Variants in PSCA observed in about 807,000 individuals in gnomAD.
The protein encoded by PSCA is prostate stem cell antigen.
Under a neutral mutation model 7.9 loss-of-function variants are expected in PSCA, and 7 were observed. The ratio of observed to expected loss-of-function variants is 0.89; its 90% CI spans 0.51 to 1.67. PSCA has a LOEUF of 1.67. Ranked by LOEUF, PSCA falls within the 40% of genes most tolerant of loss-of-function variation. The pLI is 0.00. For synonymous variants in PSCA, 61 were observed against 68.3 expected, an observed-to-expected ratio of 0.89 and a Z score of 0.53; for missense variants, 151 against 147.9, an observed-to-expected ratio of 1.02 and a Z score of -0.11.
chr8:142,681,204 G>C lies in PSCA; in HGVS notation c.26-123G>C, dbSNP rs782802693. On this transcript the variant is annotated intron_variant, in intron 1 of 2. Coordinates refer to ENST00000301258, the MANE Select transcript of PSCA (RefSeq NM_005672.5). ...TGAAGATGGGGAGGAGACATTGAGG[G>C]TGACAAGAGGGCGCCGAGGACTTCC... 5.3e-5 allele frequency: 35 copies of C among 663,570 alleles called. No homozygotes were observed. In the South Asian group the frequency reaches 6.4e-4, roughly 12 times the overall value. 41.1% of individuals were successfully genotyped at this position (663,570 alleles called of 1,614,324 possible).
At chr8:142,680,782 G>A (rs1847453752) in intron 1 of PSCA, 1 of 631,548 alleles carries the variant, frequency 1.6e-6, no homozygotes, top group Non-Finnish European at 2.8e-6. Flanking sequence ...GCTTGCAGGG[G>A]CAGCACGGAG....
chr8:142,671,163 G>C (rs1847318643), intron 1 of PSCA, among the ~76,000 whole-genome samples: 1 of 152,224 alleles, frequency 6.6e-6, no homozygotes, highest in African/African-American at 2.4e-5. Context: ...CACGGGTTCA[G>C]ATAGGAGGGC....
upstream of PSCA, chr8:142,680,217 T>C (rs1587546482): frequency 7.0e-6 from 3 of 426,980 alleles, no homozygotes; most frequent in East Asian, 1.2e-4. Flanking sequence ...GGCCTTGCAC[T>C]GTGAGGTGGG....
intron 1 of PSCA, among the ~76,000 whole-genome samples, chr8:142,672,178 C>G (rs1254335078): frequency 6.6e-6 from 1 of 152,170 alleles, no homozygotes; most frequent in Non-Finnish European, 1.5e-5. Context: ...GCTATTCACT[C>G]AGGCTCAGCC....
At position 142,681,364 on chromosome 8, in the gene PSCA, G is replaced by T; in HGVS notation, c.63G>T (p.Val21=). 1 of 1,583,634 alleles carries T rather than the reference G, an allele frequency of 6.3e-7. No homozygotes were observed. Among genetic ancestry groups the T allele is most frequent in the Non-Finnish European group, 8.6e-7 (1 of 1,165,058 alleles). ...ALLCYSCKAQ[V]SNEDCLQVEN... is the part of the protein sequence containing the mutation. ...TGTGCTACTCCTGCAAAGCCCAGGT[G>T]AGCAACGAGGACTGCCTGCAGGTGG... Residue 21 remains valine, a synonymous_variant, in exon 2 of 3, where the codon GTG becomes GTT. Coordinates refer to ENST00000301258, the MANE Select transcript of PSCA (RefSeq NM_005672.5).
In PSCA at chr8:142,681,425, G is replaced by A. The variant is rs145089191; in HGVS notation, c.124G>A (p.Ala42Thr). The change falls in exon 2 of 3, where the codon GCG becomes ACG. Residue 42 changes from alanine (A) to threonine (T), a missense_variant. Physicochemically the swap from Ala to Thr is moderately conservative, Grantham distance 58. Coordinates refer to ENST00000301258, the MANE Select transcript of PSCA (RefSeq NM_005672.5). ...CCAGCTGGGGGAGCAGTGCTGGACC[G>A]CGCGCATCCGTGAGTGGGGGGACGA... ...CTQLGEQCWT[A>T]RIRAVGLLTV... 727 of 1,588,224 alleles carry A rather than the reference G, an allele frequency of 4.6e-4. No homozygotes were observed. The African/African-American group carries it at 8.1e-3, about 18-fold the overall frequency.
upstream of PSCA, among the ~76,000 whole-genome samples, chr8:142,679,336 G>A (rs1847435347): frequency 6.6e-6 from 1 of 152,236 alleles, no homozygotes; most frequent in African/African-American, 2.4e-5. Context: ...CCTAGCCCAG[G>A]GCTCAGCCCA....
At chr8:142,672,822 A>C (rs1554637503) in intron 1 of PSCA, among the ~76,000 whole-genome samples, 3 of 152,168 alleles carry the variant, frequency 2.0e-5, no homozygotes, top group South Asian at 4.1e-4. Context: ...AGGCTTGAGG[A>C]GGCAGTGTCT....
chr8:142,681,073 A>G lies in PSCA; in HGVS notation c.26-254A>G, dbSNP rs1238485170. ...CCTCCCGACCCAGGGTCCCGGGTTC[A>G]GTCACCCCCACAGCCGCAGCTTCCT... On this transcript the variant is annotated intron_variant, in intron 1 of 2. Coordinates refer to ENST00000301258, the MANE Select transcript of PSCA (RefSeq NM_005672.5). 1.2e-5 allele frequency: 6 copies of G among 507,004 alleles called. 1 individual carries two copies. Among genetic ancestry groups the G allele is most frequent in the Non-Finnish European group, 1.8e-5 (5 of 279,482 alleles). 31.4% of individuals were successfully genotyped at this position (507,004 alleles called of 1,614,324 possible).
rs1448084453 is a variant in PSCA, at chr8:142,673,106, C to T, written n.261+2538C>T. ...TTCCAGCTTGCTTGTCTTATGTTTGCGGCTCGATTTTACAGGCTGCTCTTT... is the reference window on the plus strand; with the variant it reads ...TTCCAGCTTGCTTGTCTTATGTTTGTGGCTCGATTTTACAGGCTGCTCTTT... On this transcript the variant is annotated intron_variant and non_coding_transcript_variant, in intron 1 of 1. Transcript: ENST00000505305. This position sits in a 1 kb window ranked among gnomAD's most constrained non-coding sequence, Gnocchi z 4.6. 1.3e-5 allele frequency among the ~76,000 whole-genome samples: 2 copies of T among 152,168 alleles called. No individual in the cohort carries two copies. Among genetic ancestry groups the T allele is most frequent in the East Asian group, 1.9e-4 (1 of 5,196 alleles).
Position 142,681,926 on chromosome 8 carries a change from G to A in PSCA, c.139G>A (p.Val47Ile), listed in dbSNP as rs57183382. 1.5e-5 allele frequency: 23 copies of A among 1,539,050 alleles called. No homozygotes were observed. The highest frequency in any genetic ancestry group is 2.0e-5 in the Non-Finnish European group (23 of 1,138,114). Reference sequence around the variant, plus strand: ...CGGATCCCGCTGCTCCCCAGGCGCAGTTGGCCTCCTGACCGTCATCAGCAA... The same window carrying A: ...CGGATCCCGCTGCTCCCCAGGCGCAATTGGCCTCCTGACCGTCATCAGCAA... ...EQCWTARIRAVGLLTVISKGC... is the reference protein window; with the variant it reads ...EQCWTARIRAIGLLTVISKGC... Residue 47 changes from valine to isoleucine, a missense_variant, in exon 3 of 3, where the codon GTT (valine) becomes ATT (isoleucine). Transcript: ENST00000301258.
At chr8:142,679,074 G>C (rs1332754789), upstream of PSCA, among the ~76,000 whole-genome samples, 1 of 152,264 alleles carries the variant, frequency 6.6e-6, no homozygotes, top group East Asian at 1.9e-4. Context: ...CCACCTCCCA[G>C]CTGACTGGCA....
At chr8:142,672,903 G>A (rs1042776706) in intron 1 of PSCA, among the ~76,000 whole-genome samples, 3 of 152,086 alleles carry the variant, frequency 2.0e-5, no homozygotes, top group South Asian at 2.1e-4. Flanking sequence ...AAGGCTGGTC[G>A]CCCCACCCTA....
At chr8:142,680,280 G>GGGGTGGCTGAGATATGGCCCT, upstream of PSCA, 1 of 539,054 alleles carries the variant, frequency 1.9e-6, no homozygotes, top group African/African-American at 1.9e-5. Flanking sequence ...CCCTCAGCCC[G>GGGGTGGCTGAGATATGGCCCT]GGGTGGCTGA....
upstream of PSCA, chr8:142,676,710 G>T (rs1847404972): frequency 6.6e-6 from 1 of 152,246 alleles, no homozygotes; most frequent in Non-Finnish European, 1.5e-5. Flanking sequence ...CACCCAGGGG[G>T]TTCATTTTGA....
At position 142,682,693 on chromosome 8, in the gene PSCA, T is replaced by C. The variant is rs1183870217; in HGVS notation, c.*561T>C. On this transcript the variant is annotated 3_prime_UTR_variant, in exon 3 of 3. Coordinates refer to ENST00000301258, the MANE Select transcript of PSCA (RefSeq NM_005672.5). ...CCTGAATGGCAGCCTCAGCACAGCG[T>C]AGGCCCTTAATAAACACCTGTTGGA... The C allele has an allele frequency of 7.6e-5, 25 of 327,026 alleles. 1 individual carries two copies. Among genetic ancestry groups the C allele is most frequent in the Non-Finnish European group, 1.4e-4 (23 of 163,912 alleles). The allele number at this position is 327,026 out of a possible 1,614,324, so 20.3% of individuals were successfully genotyped here. A position where few individuals can be genotyped will look rare whatever the true frequency, so the allele number is the denominator to read the frequency against.
At chr8:142,678,515 C>T (rs1847423746), upstream of PSCA, among the ~76,000 whole-genome samples, 1 of 152,264 alleles carries the variant, frequency 6.6e-6, no homozygotes, top group African/African-American at 2.4e-5. Context: ...AGGAAGCCAC[C>T]AGCCCCTCGG....
chr8:142,682,345 C>T lies in PSCA; in HGVS notation c.*213C>T. ...ACCCGGCAGATCGGCTCTATTGACACAGATCCGCCTGCAGATGGCCCCTCC... is the reference window on the plus strand; with the variant it reads ...ACCCGGCAGATCGGCTCTATTGACATAGATCCGCCTGCAGATGGCCCCTCC... On this transcript the variant is annotated 3_prime_UTR_variant, in exon 3 of 3. Transcript: ENST00000301258. 1.4e-6 allele frequency: 1 copy of T among 711,262 alleles called. No individual in the cohort carries two copies. Among genetic ancestry groups the T allele is most frequent in the South Asian group, 1.5e-5 (1 of 66,890 alleles). 44.1% of individuals were successfully genotyped at this position (711,262 alleles called of 1,614,324 possible).
At chr8:142,680,762 T>A (rs1032193505) in intron 1 of PSCA, 199 bp downstream of exon 1, 1 of 687,860 alleles carries the variant, frequency 1.5e-6, no homozygotes, top group Non-Finnish European at 2.4e-6. Flanking sequence ...TGCCGTCCCC[T>A]GTGACCGGGG....
Sources: allele counts gnomAD v4.1 joint callset (sites outside exome capture counted in the v4.1 genomes callset), GRCh38; gene constraint gnomAD v4.1.1; non-coding constraint Gnocchi (gnomAD v3.1); transcripts MANE v1.5; gene names NCBI Gene and HGNC (gene_info 2026-07-23, HGNC 2026-07-21).